CCM2: variants seen among roughly 807,000 people sequenced by gnomAD.
CCM2 encodes CCM2 scaffold protein, also known as cerebral cavernous malformations 2 protein.
In CCM2, 25 loss-of-function variants were observed where a neutral mutation model predicts 44.9. The ratio of observed to expected loss-of-function variants is 0.56; its 90% CI spans 0.41 to 0.78. CCM2 has a LOEUF of 0.78. Among genes scored for constraint, CCM2 ranks in the 30% least tolerant of loss-of-function variants. The pLI, the probability that CCM2 is intolerant of heterozygous loss-of-function variation, is 0.00. For missense variants in CCM2, 481 were observed against 580.6 expected, an observed-to-expected ratio of 0.83 and a Z score of 1.76; for synonymous variants, 219 against 241.1, an observed-to-expected ratio of 0.91 and a Z score of 0.85.
rs1797222652 is a variant in CCM2, at chr7:45,036,449, G to T, written c.31-1804G>T. The stretch of plus-strand genomic sequence containing the variant: ...TCTTTGAGGATTTGTTTTATTTGGG[G>T]TGGCTTTTGTTTGCTTATTTACTTT... On this transcript the variant is annotated intron_variant, in intron 1 of 9. Transcript: ENST00000258781. Among the ~76,000 whole-genome samples the T allele has an allele frequency of 4.6e-5, 7 of 152,278 alleles. No homozygotes were observed. The South Asian group carries it at 1.5e-3, about 32-fold the overall frequency.
intron 4 of CCM2, chr7:45,068,083 T>C (rs1226859916): frequency 2.7e-6 from 1 of 372,726 alleles, no homozygotes; most frequent in East Asian, 6.6e-5. Flanking sequence ...CCTTTCACTT[T>C]CCCATGCCTC....
intron 2 of CCM2, among the ~76,000 whole-genome samples, chr7:45,045,025 C>A (rs1043057258): frequency 1.3e-5 from 2 of 152,152 alleles, no homozygotes; most frequent in African/African-American, 4.8e-5. Flanking sequence ...TTATTTGTGG[C>A]CTGTCTTTGT....
At chr7:45,040,311 G>C (rs1380794232) in intron 2 of CCM2, among the ~76,000 whole-genome samples, 4 of 152,208 alleles carry the variant, frequency 2.6e-5, no homozygotes, top group Non-Finnish European at 5.9e-5. Context: ...GTGAACCCAG[G>C]AGGTGGAGCT....
rs1316632188 is a variant in CCM2, at chr7:45,076,323, C to T, written c.*266C>T. On this transcript the variant is annotated 3_prime_UTR_variant, in exon 10 of 10. Coordinates refer to ENST00000258781, the MANE Select transcript of CCM2 (RefSeq NM_031443.4). Reference sequence around the variant, plus strand: ...CAGTGTGTCCCCGCTCGGGGAGGGCCCGGCCGAGCGGGCAGGGAGAGCCAG... The same window carrying T: ...CAGTGTGTCCCCGCTCGGGGAGGGCTCGGCCGAGCGGGCAGGGAGAGCCAG... The T allele has an allele frequency of 3.1e-6, 2 of 647,016 alleles. No individual in the cohort carries two copies. Among genetic ancestry groups the T allele is most frequent in the Non-Finnish European group, 5.7e-6 (2 of 351,252 alleles). The allele number at this position is 647,016 out of a possible 1,614,324, so 40.1% of individuals were successfully genotyped here. A position where few individuals can be genotyped will look rare whatever the true frequency, so the allele number is the denominator to read the frequency against.
At chr7:45,073,062 CCCCTGCCCGA>C in intron 7 of CCM2, 1 of 601,022 alleles carries the variant, frequency 1.7e-6, no homozygotes, top group Non-Finnish European at 3.0e-6. Context: ...TGGAGCTGTT[CCCCTGCCCGA>C]GCCTGCCGAG....
At position 45,075,982 on chromosome 7, in the gene CCM2, G is replaced by A. The variant is rs2304691; in HGVS notation, c.1260G>A (p.Glu420=). ...DDRSAPSEGD[E]WDRMISDISS... ...GGTCGGCACCCTCAGAGGGGGATGA[G>A]TGGGACCGCATGATCTCGGACATCA... The change falls in exon 10 of 10, where the codon GAG becomes GAA. Residue 420 remains glutamate, a synonymous_variant. Transcript: ENST00000258781. 1.2e-3 allele frequency: 1,895 copies of A among 1,613,174 alleles called. 17 individuals carry two copies. In the East Asian group the frequency reaches 0.029, roughly 24 times the overall value.
chr7:45,003,812 G>A (rs1275090948), intron 1 of CCM2, among the ~76,000 whole-genome samples: 1 of 152,012 alleles, frequency 6.6e-6, no homozygotes, highest in East Asian at 1.9e-4. Context: ...TGCCCCACCA[G>A]GTGGCTATGA....
intron 1 of CCM2, among the ~76,000 whole-genome samples, chr7:45,017,912 C>G (rs987786837): frequency 6.6e-6 from 1 of 151,702 alleles, no homozygotes; most frequent in Non-Finnish European, 1.5e-5. Context: ...CATTGTTTCA[C>G]CTTTTATTAT....
In CCM2 at chr7:45,064,619, G is replaced by A. The variant is rs572042977; in HGVS notation, c.445G>A (p.Ala149Thr). The A allele has an allele frequency of 4.3e-5, 69 of 1,613,962 alleles. No homozygotes were observed. The South Asian group carries it at 6.4e-4, about 15-fold the overall frequency. The change falls in exon 4 of 10, where the codon GCT (alanine) becomes ACT (threonine). Residue 149 changes from alanine to threonine, a missense_variant. By Grantham distance (58) the Ala-to-Thr change is moderately conservative (BLOSUM62 0). Coordinates refer to ENST00000258781, the MANE Select transcript of CCM2 (RefSeq NM_031443.4). ...CGCCGTCTCCTATGTTCGGGATGAC[G>A]CTGCACACCTGGTGGTCCTGAAGAC... ...IAAVSYVRDDAAHLVVLKTAQ... is the reference protein window; with the variant it reads ...IAAVSYVRDDTAHLVVLKTAQ...
chr7:45,004,340 C>A (rs1795760548), intron 1 of CCM2, among the ~76,000 whole-genome samples: 1 of 152,120 alleles, frequency 6.6e-6, no homozygotes, highest in Admixed American at 6.5e-5. Flanking sequence ...CTGGGATTTG[C>A]TTTACTCAAA....
At chr7:45,040,146 G>A (rs1190701159) in intron 2 of CCM2, among the ~76,000 whole-genome samples, 1 of 152,078 alleles carries the variant, frequency 6.6e-6, no homozygotes, top group Non-Finnish European at 1.5e-5. Context: ...TGTAATCCCA[G>A]CACTTTGGGA....
intron 1 of CCM2, among the ~76,000 whole-genome samples, chr7:45,010,876 A>G (rs150920960): frequency 1.6e-3 from 244 of 152,276 alleles, no homozygotes; most frequent in African/African-American, 5.7e-3. Flanking sequence ...TTGTATTTTG[A>G]AAAAGCTGCT....
At chr7:45,070,201 G>A in intron 6 of CCM2, 2 of 560,186 alleles carry the variant, frequency 3.6e-6, no homozygotes, top group South Asian at 4.1e-5. Context: ...ATAAATTTGG[G>A]GTCTGTGAAC....
At chr7:45,006,865 C>CT (rs1403359636) in intron 1 of CCM2, among the ~76,000 whole-genome samples, 2 of 152,164 alleles carry the variant, frequency 1.3e-5, no homozygotes, top group South Asian at 2.1e-4. Context: ...CATCTAGACT[C>CT]TAAGAGAATA....
intron 1 of CCM2, among the ~76,000 whole-genome samples, chr7:45,007,373 C>T (rs573591237): frequency 1.3e-5 from 2 of 152,322 alleles, no homozygotes; most frequent in South Asian, 2.1e-4. Flanking sequence ...GCGCTTCGCA[C>T]TCCTTGGCTT....
intron 2 of CCM2, among the ~76,000 whole-genome samples, chr7:45,044,220 G>A (rs1797647497): frequency 1.3e-5 from 2 of 152,170 alleles, no homozygotes; most frequent in South Asian, 2.1e-4. Flanking sequence ...TGCAAGCTCC[G>A]CCTCCCGGGT....
At chr7:45,061,456 C>CTTTTTTT (rs57140747) in intron 2 of CCM2, among the ~76,000 whole-genome samples, 15 of 122,280 alleles carry the variant, frequency 1.2e-4, no homozygotes, top group Admixed American at 1.7e-4. Context: ...TTCTTTCTTT[C>CTTTTTTT]TTTTTTTTTT....
chr7:45,024,049 G>T (rs1796593116), intron 1 of CCM2, among the ~76,000 whole-genome samples: 10 of 152,212 alleles, frequency 6.6e-5, no homozygotes, highest in Admixed American at 5.9e-4. Flanking sequence ...GACATCAGGT[G>T]ATCCTCCTGC....
Position 45,054,076 on chromosome 7 carries a change from T to C in CCM2, c.205-9842T>C, listed in dbSNP as rs77141362. Among the ~76,000 whole-genome samples the C allele has an allele frequency of 5.9e-3, 899 of 152,284 alleles. 7 individuals carry two copies. The highest frequency in any genetic ancestry group is 0.02 in the African/African-American group (843 of 41,548). ...CATTCAGCTTAATATTCTGTCCCCCTGGATCCAGCACCTTGAGGTCCTCTC... is the reference window on the plus strand; with the variant it reads ...CATTCAGCTTAATATTCTGTCCCCCCGGATCCAGCACCTTGAGGTCCTCTC... On this transcript the variant is annotated intron_variant, in intron 2 of 9. Transcript: ENST00000258781.
Sources: gnomAD v4.1 joint callset for allele counts (sites outside exome capture counted in the v4.1 genomes callset) on GRCh38, gnomAD v4.1.1 for gene constraint, MANE v1.5 for transcripts, NCBI Gene and HGNC (gene_info 2026-07-23, HGNC 2026-07-21) for gene names.